APC2: variants seen among roughly 807,000 people sequenced by gnomAD.
APC2 encodes adenomatous polyposis coli protein 2.
A neutral mutation model predicts 72.5 loss-of-function variants in APC2; 41 were observed. That is an observed-to-expected ratio of 0.57 (90% CI 0.44 to 0.73). The LOEUF is 0.73. Among genes scored for constraint, APC2 ranks in the 30% least tolerant of loss-of-function variants. The pLI is 0.00. For missense variants in APC2, 3,729 were observed against 3,403.4 expected (o/e 1.10, Z -2.38); for synonymous variants, 1,898 against 1,612.0 (o/e 1.18, Z -4.25).
chr19:1,455,304 G>T, intron 5 of APC2, 47 bp downstream of exon 5: 1 of 1,582,538 alleles, frequency 6.3e-7, no homozygotes, highest in Non-Finnish European at 8.6e-7. Flanking sequence ...CCCCACTCAG[G>T]GTGCGGGAAG....
At position 1,465,235 on chromosome 19, in the gene APC2, C is replaced by T; in HGVS notation, c.1934C>T (p.Ala645Val). 6.2e-7 allele frequency: 1 copy of T among 1,610,446 alleles called. No individual in the cohort carries two copies. The highest frequency in any genetic ancestry group is 8.5e-7 in the Non-Finnish European group (1 of 1,179,604). ...TSHSLTIVSN[A>V]CGTLWNLSAR... ...CACAGCCTGACCATCGTGAGCAACGCGTGCGGCACGCTCTGGAACCTGTCG... is the reference window on the plus strand; with the variant it reads ...CACAGCCTGACCATCGTGAGCAACGTGTGCGGCACGCTCTGGAACCTGTCG... Residue 645 changes from alanine (A) to valine (V), a missense_variant, in exon 15 of 15, where the codon GCG (alanine) becomes GTG (valine). Physicochemically the swap from Ala to Val is moderately conservative, Grantham distance 64. Coordinates refer to ENST00000590469, the MANE Select transcript of APC2 (RefSeq NM_005883.3).
Position 1,469,124 on chromosome 19 carries a change from G to A in APC2, c.5823G>A (p.Pro1941=), listed in dbSNP as rs1250815945. 3.0e-6 allele frequency: 4 copies of A among 1,348,964 alleles called. No homozygotes were observed. Among genetic ancestry groups the A allele is most frequent in the African/African-American group, 3.1e-5 (2 of 65,240 alleles). 83.6% of individuals were successfully genotyped at this position (1,348,964 alleles called of 1,614,324 possible). Reference sequence around the variant, plus strand: ...TGCAGAGGCCGGCCCGGCGTGGGCCGCCACCGCTGGCTCGGGCAGTCCCGG... The same window carrying A: ...TGCAGAGGCCGGCCCGGCGTGGGCCACCACCGCTGGCTCGGGCAGTCCCGG... ...PFMQRPARRG[P]PPLARAVPEP... is the part of the protein sequence containing the mutation. The change falls in exon 15 of 15, where the codon CCG becomes CCA. Residue 1941 remains proline (P), a synonymous_variant. Transcript: ENST00000590469.
chr19:1,456,913 C>CG lies in APC2; in HGVS notation c.878dup (p.Thr294HisfsTer131). 6.3e-7 allele frequency: 1 copy of CG among 1,578,634 alleles called. No homozygotes were observed. Among genetic ancestry groups the CG allele is most frequent in the Non-Finnish European group, 8.5e-7 (1 of 1,170,242 alleles). On this transcript the variant is annotated frameshift_variant, in exon 9 of 15. Transcript: ENST00000590469. LOFTEE classifies it high-confidence loss of function. Reference sequence around the variant, plus strand: ...GACGCGCGACCAGGAGGATACAGCGCGCACGCTGCTGGCCATGTCCAGCTC... The same window carrying CG: ...GACGCGCGACCAGGAGGATACAGCGCGGCACGCTGCTGGCCATGTCCAGCTC...
chr19:1,457,952 C>G lies in APC2; in HGVS notation c.1208-13C>G. ...TGGGAATGGGGGCTCTGATCTGGTC[C>G]CTGTGCCCACAGCCCCGATCCCCAT... On this transcript the variant is annotated splice_polypyrimidine_tract_variant and intron_variant, in intron 9 of 14. Coordinates refer to ENST00000590469, the MANE Select transcript of APC2 (RefSeq NM_005883.3). 1 of 1,543,350 alleles carries G rather than the reference C, an allele frequency of 6.5e-7. No individual in the cohort carries two copies. The highest frequency in any genetic ancestry group is 8.7e-7 in the Non-Finnish European group (1 of 1,146,722).
intron 14 of APC2, among the ~76,000 whole-genome samples, chr19:1,464,750 G>A (rs540525142): frequency 3.4e-5 from 5 of 147,420 alleles, no homozygotes; most frequent in South Asian, 2.2e-4. Context: ...CTCGTGCCTC[G>A]GCCTCCCGGG....
At chr19:1,446,473 G>A, upstream of APC2, 1 of 646,460 alleles carries the variant, frequency 1.5e-6, no homozygotes, top group Non-Finnish European at 1.9e-6. The surrounding 1 kb of genome is among the most constrained non-coding windows in gnomAD (Gnocchi z 6.1). Flanking sequence ...TGCAGAGTCG[G>A]GGGTCTAGTG....
intron 10 of APC2, chr19:1,458,570 C>CA (rs1306595649): frequency 0.015 from 2,297 of 151,710 alleles, 46 homozygotes; most frequent in African/African-American, 0.048. Flanking sequence ...CCCATCACTA[C>CA]AAAAAAAAAA....
chr19:1,460,989 G>T (rs2083913718), intron 12 of APC2, 48 bp from the exon 13 acceptor site: 2 of 1,607,148 alleles, frequency 1.2e-6, no homozygotes, highest in African/African-American at 1.3e-5. Context: ...GGGGGGTTTG[G>T]GGGGCCTGGA....
In APC2 at chr19:1,471,355, C is replaced by T. The variant is rs1315390771; in HGVS notation, c.*1142C>T. On this transcript the variant is annotated 3_prime_UTR_variant, in exon 15 of 15. Transcript: ENST00000590469. ...GCGGGGACCCAGCCTTGCCCTCCAC[C>T]CGAGGCTCTGGGACAAGGCGGGAGG... The T allele has an allele frequency of 1.3e-5, 2 of 152,354 alleles. No individual in the cohort carries two copies. Among genetic ancestry groups the T allele is most frequent in the East Asian group, 3.8e-4 (2 of 5,198 alleles). The allele number at this position is 152,354 out of a possible 1,614,324, so 9.4% of individuals were successfully genotyped here.
intron 4 of APC2, among the ~76,000 whole-genome samples, chr19:1,454,147 C>G (rs1363705508): frequency 6.6e-6 from 1 of 152,148 alleles, no homozygotes; most frequent in African/African-American, 2.4e-5. Context: ...CTCAGCTCCC[C>G]TAAACCCTCC....
rs111832581 is a variant in APC2, at chr19:1,461,230, C to T, written c.1638+77C>T. The T allele has an allele frequency of 3.2e-3, 4,140 of 1,300,212 alleles. 101 individuals carry two copies. In the African/African-American group the frequency reaches 0.05, roughly 16 times the overall value. The allele number at this position is 1,300,212 out of a possible 1,614,324, so 80.5% of individuals were successfully genotyped here. On this transcript the variant is annotated intron_variant, in intron 13 of 14. Transcript: ENST00000590469. The stretch of plus-strand genomic sequence containing the variant: ...TGCTGGCGGCAGCGGGCGAGCTCTC[C>T]GACTTGGGAGGAAATCAAGTTGAAC...
intron 10 of APC2, 118 bp from the exon 11 acceptor site, chr19:1,460,063 G>T: frequency 7.2e-7 from 1 of 1,385,186 alleles, no homozygotes; most frequent in Non-Finnish European, 9.9e-7. Flanking sequence ...GCCTGGAAGG[G>T]GAACTTGAGG....
rs1286063241 is a variant in APC2, at chr19:1,466,830, G to GCCAGCTCCATCC, written c.3534_3545dup (p.Ser1179_Ser1182dup). Reference sequence around the variant, plus strand: ...GGGCAGCTTCGAGAGCCCGTCCATCGCCAGCTCCATCCCCAGTGAACCTTG... The same window carrying GCCAGCTCCATCC: ...GGGCAGCTTCGAGAGCCCGTCCATCGCCAGCTCCATCCCCAGCTCCATCCCCAGTGAACCTTG... On this transcript the variant is annotated inframe_insertion, in exon 15 of 15. Coordinates refer to ENST00000590469, the MANE Select transcript of APC2 (RefSeq NM_005883.3). 6.4e-7 allele frequency: 1 copy of GCCAGCTCCATCC among 1,556,248 alleles called. No homozygotes were observed. The highest frequency in any genetic ancestry group is 8.7e-7 in the Non-Finnish European group (1 of 1,151,354).
chr19:1,463,062 G>T (rs1007714206), intron 14 of APC2, among the ~76,000 whole-genome samples: 4 of 151,872 alleles, frequency 2.6e-5, no homozygotes, highest in Non-Finnish European at 5.9e-5. Flanking sequence ...GATCACCTGA[G>T]GTTGGGAGTT....
rs2084115803 is a variant in APC2 at position 1,470,456 on chromosome 19, G to C, written c.*243G>C. 3.6e-6 allele frequency: 2 copies of C among 556,276 alleles called. No homozygotes were observed. Among genetic ancestry groups the C allele is most frequent in the African/African-American group, 4.0e-5 (2 of 49,860 alleles). 34.5% of individuals were successfully genotyped at this position (556,276 alleles called of 1,614,324 possible). ...GGCCGCTAGGCCTCAAGTCCCGACCGTGGAGCGCTGGCAAGGGCGTCCTGG... is the reference window on the plus strand; with the variant it reads ...GGCCGCTAGGCCTCAAGTCCCGACCCTGGAGCGCTGGCAAGGGCGTCCTGG... On this transcript the variant is annotated 3_prime_UTR_variant, in exon 15 of 15. Coordinates refer to ENST00000590469, the MANE Select transcript of APC2 (RefSeq NM_005883.3).
chr19:1,457,560 CTG>C (rs1568170348), intron 9 of APC2: 4 of 510,336 alleles, frequency 7.8e-6, no homozygotes, highest in Admixed American at 3.8e-5. Context: ...GGGCCGGGCG[CTG>C]TGACTCACAC....
At position 1,468,771 on chromosome 19, in the gene APC2, G is replaced by A. The variant is rs1412938852; in HGVS notation, c.5470G>A (p.Ala1824Thr). 1 of 1,505,294 alleles carries A rather than the reference G, an allele frequency of 6.6e-7. No individual in the cohort carries two copies. Among genetic ancestry groups the A allele is most frequent in the Non-Finnish European group, 8.9e-7 (1 of 1,127,570 alleles). The allele number at this position is 1,505,294 out of a possible 1,614,324, so 93.2% of individuals were successfully genotyped here. A position where few individuals can be genotyped will look rare whatever the true frequency, so the allele number is the denominator to read the frequency against. The change falls in exon 15 of 15, where the codon GCA (alanine) becomes ACA (threonine). Residue 1824 changes from alanine (A) to threonine (T), a missense_variant. Transcript: ENST00000590469. ...GCGGAAGGTGGCGCCCCCTTGCCTG[G>A]CACAGCCCGCGGCTCCAGCCAAAGT... ...TPRKVAPPCL[A>T]QPAAPAKVPS... is the part of the protein sequence containing the mutation.
intron 8 of APC2, 43 bp from the exon 9 acceptor site, chr19:1,456,810 G>A: frequency 6.4e-7 from 1 of 1,567,674 alleles, no homozygotes; most frequent in Non-Finnish European, 8.6e-7. Context: ...AGGTGTGCGG[G>A]GGGCAGGTGA....
chr19:1,466,372 G>C lies in APC2; in HGVS notation c.3071G>C (p.Gly1024Ala). 1 of 1,585,120 alleles carries C rather than the reference G, an allele frequency of 6.3e-7. No homozygotes were observed. Among genetic ancestry groups the C allele is most frequent in the Non-Finnish European group, 8.5e-7 (1 of 1,170,264 alleles). Residue 1024 changes from glycine (G) to alanine (A), a missense_variant, in exon 15 of 15, where the codon GGG becomes GCG. Transcript: ENST00000590469. ...EPLAGPGISP[G>A]ARKQAWLPAD... is the part of the protein sequence containing the mutation. ...CTCGCGGGGCCTGGAATCTCTCCAG[G>C]GGCCCGGAAGCAGGCCTGGCTGCCG...
Sources: allele counts gnomAD v4.1 joint callset (sites outside exome capture counted in the v4.1 genomes callset), GRCh38; gene constraint gnomAD v4.1.1; non-coding constraint Gnocchi (gnomAD v3.1); transcripts MANE v1.5; gene names NCBI Gene and HGNC (gene_info 2026-07-23, HGNC 2026-07-21).